Variants in SENP8 observed in about 807,000 individuals in gnomAD.
SENP8 encodes sentrin-specific protease 8.
Under a neutral mutation model 14.4 loss-of-function variants are expected in SENP8, and 10 were observed. The ratio of observed to expected loss-of-function variants is 0.69; its 90% confidence interval spans 0.43 to 1.18. SENP8 has a LOEUF of 1.18. Among genes scored for constraint, SENP8 ranks in the 50% most tolerant of loss-of-function variants. The pLI is 0.00. For missense variants in SENP8, 202 were observed against 249.4 expected, an observed-to-expected ratio of 0.81 and a Z score of 1.28; for synonymous variants, 94 against 95.5, an observed-to-expected ratio of 0.98 and a Z score of 0.09.
At chr15:72,120,310 A>C (rs2081153796) in intron 1 of SENP8, among the ~76,000 whole-genome samples, 1 of 152,238 alleles carries the variant, frequency 6.6e-6, no homozygotes, top group Non-Finnish European at 1.5e-5. Context: ...AGACCAAGAC[A>C]GTGTATGGCT....
chr15:72,127,303 C>G (rs1489515645), intron 1 of SENP8, among the ~76,000 whole-genome samples: 1 of 152,086 alleles, frequency 6.6e-6, no homozygotes, highest in Non-Finnish European at 1.5e-5. Context: ...CAGTGCTATT[C>G]AAGGAATTGA....
intron 1 of SENP8, among the ~76,000 whole-genome samples, chr15:72,119,083 T>C (rs751631204): frequency 2.0e-5 from 3 of 152,214 alleles, no homozygotes; most frequent in Non-Finnish European, 4.4e-5. Flanking sequence ...AGACTTCCCT[T>C]TAAAGAAGCA....
intron 1 of SENP8, among the ~76,000 whole-genome samples, chr15:72,118,776 TGA>T (rs1054747849): frequency 6.6e-6 from 1 of 152,094 alleles, no homozygotes; most frequent in African/African-American, 2.4e-5. Flanking sequence ...TAGGAGACCG[TGA>T]GAGAATCCGC....
At chr15:72,131,034 G>A (rs574185630) in intron 1 of SENP8, among the ~76,000 whole-genome samples, 1 of 152,224 alleles carries the variant, frequency 6.6e-6, no homozygotes, top group South Asian at 2.1e-4. Flanking sequence ...CCAGGTGTAT[G>A]CTCTTTAAAA....
chr15:72,136,130 A>C (rs2081325546), intron 1 of SENP8, among the ~76,000 whole-genome samples: 1 of 152,198 alleles, frequency 6.6e-6, no homozygotes, highest in African/African-American at 2.4e-5. Context: ...GATAGTAAAG[A>C]TTATTATAGG....
intron 1 of SENP8, among the ~76,000 whole-genome samples, chr15:72,132,248 G>C (rs188770946): frequency 6.6e-6 from 1 of 152,036 alleles, no homozygotes; most frequent in African/African-American, 2.4e-5. Context: ...CCTTCCCCTA[G>C]TCTTGCTTAC....
intron 1 of SENP8, among the ~76,000 whole-genome samples, chr15:72,134,009 C>T (rs1015765878): frequency 9.2e-5 from 14 of 151,980 alleles, no homozygotes; most frequent in Admixed American, 6.6e-5. Flanking sequence ...AGTGCAGTGG[C>T]GCTATCTAGA....
At chr15:72,120,483 C>T (rs1028668572) in intron 1 of SENP8, among the ~76,000 whole-genome samples, 4 of 152,042 alleles carry the variant, frequency 2.6e-5, no homozygotes, top group Non-Finnish European at 5.9e-5. Flanking sequence ...GCCTTGAATT[C>T]CATGGTGAAG....
At chr15:72,121,091 T>G (rs867798349) in intron 1 of SENP8, among the ~76,000 whole-genome samples, 13 of 152,218 alleles carry the variant, frequency 8.5e-5, no homozygotes, top group Non-Finnish European at 1.6e-4. Flanking sequence ...ACCTCTCTGC[T>G]GGGATGAGAG....
At chr15:72,134,330 A>G (rs1175941930) in intron 1 of SENP8, among the ~76,000 whole-genome samples, 2 of 152,178 alleles carry the variant, frequency 1.3e-5, no homozygotes, top group African/African-American at 4.8e-5. Context: ...CTGTAATCCT[A>G]GCATTTAGTG....
chr15:72,138,330 G>T (rs2081346563), intron 1 of SENP8, among the ~76,000 whole-genome samples: 2 of 150,172 alleles, frequency 1.3e-5, no homozygotes, highest in South Asian at 4.2e-4. Flanking sequence ...CCCGTATGCA[G>T]TCAAAATTCT....
intron 1 of SENP8, among the ~76,000 whole-genome samples, chr15:72,135,816 C>T (rs952568269): frequency 5.3e-5 from 8 of 152,344 alleles, no homozygotes; most frequent in African/African-American, 1.9e-4. Context: ...TGAGAGATGA[C>T]TGACTGTTGA....
upstream of SENP8, chr15:72,118,128 T>TGCAGGCGA: frequency 2.6e-6 from 1 of 382,218 alleles, no homozygotes; most frequent in Non-Finnish European, 4.6e-6. Context: ...ACTCCCCGGC[T>TGCAGGCGA]GCAGGCGAGC....
Position 72,142,740 on chromosome 15 carries a change from A to T in SENP8, c.*2478A>T, listed in dbSNP as rs1375653214. 1 of 152,266 alleles carries T rather than the reference A, an allele frequency of 6.6e-6. No individual in the cohort carries two copies. The highest frequency in any genetic ancestry group is 1.5e-5 in the Non-Finnish European group (1 of 68,042). 9.4% of individuals were successfully genotyped at this position (152,266 alleles called of 1,614,324 possible). A position where few individuals can be genotyped will look rare whatever the true frequency, so the allele number is the denominator to read the frequency against. On this transcript the variant is annotated 3_prime_UTR_variant, in exon 2 of 2. Coordinates refer to ENST00000340912, the MANE Select transcript of SENP8 (RefSeq NM_145204.4). Reference sequence around the variant, plus strand: ...ATATTTCAACCATTTGGCAAGGTATATGTTGAAGTTCACAAGCGCTGGTCC... The same window carrying T: ...ATATTTCAACCATTTGGCAAGGTATTTGTTGAAGTTCACAAGCGCTGGTCC...
At position 72,139,801 on chromosome 15, in the gene SENP8, C is replaced by G; in HGVS notation, c.178C>G (p.Gln60Glu). The part of the protein sequence containing the change: ...HVSFISPEVT[Q>E]FIKCTSNPAE... ...CAGTTTCATCAGCCCTGAAGTCACC[C>G]AGTTCATCAAGTGCACTAGCAACCC... Residue 60 changes from glutamine (Q) to glutamate (E), a missense_variant, in exon 2 of 2, where the codon CAG becomes GAG. Gln to Glu is a conservative substitution (Grantham distance 29). Transcript: ENST00000340912. 1 of 1,614,166 alleles carries G rather than the reference C, an allele frequency of 6.2e-7. No individual in the cohort carries two copies. Among genetic ancestry groups the G allele is most frequent in the East Asian group, 2.2e-5 (1 of 44,878 alleles).
At chr15:72,132,294 T>G (rs928085776) in intron 1 of SENP8, among the ~76,000 whole-genome samples, 17 of 152,138 alleles carry the variant, frequency 1.1e-4, no homozygotes, top group African/African-American at 3.9e-4. Context: ...TCCTTTTAAC[T>G]CTAAACGAAT....
At chr15:72,118,228 A>C (rs964772391), upstream of SENP8, 1 of 341,770 alleles carries the variant, frequency 2.9e-6, no homozygotes. Flanking sequence ...GCCACTGGAG[A>C]GTACAGCGTG....
intron 1 of SENP8, among the ~76,000 whole-genome samples, chr15:72,121,731 T>C (rs2081169934): frequency 6.6e-6 from 1 of 151,992 alleles, no homozygotes; most frequent in African/African-American, 2.4e-5. Context: ...CCAAAAAAAA[T>C]CTTGAGGTGA....
chr15:72,122,443 C>T (rs1013822188), intron 1 of SENP8, among the ~76,000 whole-genome samples: 3 of 152,132 alleles, frequency 2.0e-5, no homozygotes, highest in African/African-American at 4.8e-5. Flanking sequence ...TGATCAATAC[C>T]GGACTATAGA....
Sources: gnomAD v4.1 joint callset for allele counts (sites outside exome capture counted in the v4.1 genomes callset) on GRCh38, gnomAD v4.1.1 for gene constraint, MANE v1.5 for transcripts, NCBI Gene and HGNC (gene_info 2026-07-23, HGNC 2026-07-21) for gene names.